IMPG2: variants seen among roughly 807,000 people sequenced by gnomAD.
The protein encoded by IMPG2 is interphotoreceptor matrix proteoglycan 2, also known as IPM 200.
Under a neutral mutation model 129.2 loss-of-function variants are expected in IMPG2, and 91 were observed. The ratio of observed to expected loss-of-function variants is 0.70; its 90% CI spans 0.59 to 0.84. The LOEUF (loss-of-function observed/expected upper bound fraction) is 0.84, where lower values mean the gene tolerates loss of function less well. Ranked by LOEUF, IMPG2 falls within the 40% of genes least tolerant of loss-of-function variation. The probability of loss-of-function intolerance (pLI) is 0.00; values close to 1 mark genes in which losing one functional copy is unlikely to be tolerated. For synonymous variants in IMPG2, 510 were observed against 517.7 expected (o/e 0.99, Z 0.20); for missense variants, 1,430 against 1,461.7 (o/e 0.98, Z 0.35).
chr3:101,292,693 C>T (rs508537), intron 3 of IMPG2, among the ~76,000 whole-genome samples: 49,469 of 152,068 alleles, frequency 0.33, 8,519 homozygotes, highest in Non-Finnish European at 0.38. Flanking sequence ...CGAAAGAGTT[C>T]CCTGTGATAT....
chr3:101,248,910 G>C (rs1405315962), intron 11 of IMPG2, among the ~76,000 whole-genome samples: 1 of 151,606 alleles, frequency 6.6e-6, no homozygotes, highest in Non-Finnish European at 1.5e-5. Flanking sequence ...CCTGTGATCT[G>C]CACCACCCCT....
At chr3:101,276,035 A>G (rs929587600) in intron 5 of IMPG2, among the ~76,000 whole-genome samples, 1 of 152,184 alleles carries the variant, frequency 6.6e-6, no homozygotes, top group Non-Finnish European at 1.5e-5. Context: ...GGAGCTATCT[A>G]GTAAAGGGGA....
intron 10 of IMPG2, 26 bp from the exon 11 acceptor site, chr3:101,253,807 C>T (rs1430483652): frequency 1.3e-6 from 2 of 1,513,060 alleles, no homozygotes; most frequent in Non-Finnish European, 1.8e-6. Context: ...TATTAAAGAA[C>T]ATTTTTAGAT....
intron 4 of IMPG2, among the ~76,000 whole-genome samples, chr3:101,290,003 G>A (rs1383496368): frequency 6.6e-6 from 1 of 151,492 alleles, no homozygotes; most frequent in Non-Finnish European, 1.5e-5. Flanking sequence ...AAACAGATTT[G>A]TGACGAAATG....
At chr3:101,310,559 CAAA>C (rs199570786) in intron 2 of IMPG2, among the ~76,000 whole-genome samples, 4 of 126,528 alleles carry the variant, frequency 3.2e-5, no homozygotes, top group African/African-American at 1.4e-4. Flanking sequence ...GACCCTGTCT[CAAA>C]AAAAAAAAAA....
chr3:101,315,319 C>T (rs999815292), intron 2 of IMPG2, among the ~76,000 whole-genome samples: 1 of 152,090 alleles, frequency 6.6e-6, no homozygotes, highest in African/African-American at 2.4e-5. Flanking sequence ...ATATTTTTTA[C>T]TGTGAAGTAC....
chr3:101,308,485 C>T (rs946839368), intron 2 of IMPG2, among the ~76,000 whole-genome samples: 4 of 152,258 alleles, frequency 2.6e-5, no homozygotes, highest in Non-Finnish European at 5.9e-5. Flanking sequence ...AGGCCTGGGG[C>T]TTGCACCCTC....
intron 14 of IMPG2, among the ~76,000 whole-genome samples, chr3:101,238,061 A>G (rs1401585136): frequency 2.0e-5 from 3 of 152,000 alleles, no homozygotes; most frequent in Admixed American, 2.0e-4. Flanking sequence ...ACAGCACGAG[A>G]ACTTTGTGAA....
intron 4 of IMPG2, among the ~76,000 whole-genome samples, chr3:101,284,893 C>A (rs939387712): frequency 6.6e-6 from 1 of 152,028 alleles, no homozygotes; most frequent in Non-Finnish European, 1.5e-5. Context: ...AAAAATAGAA[C>A]CATTACTGAA....
intron 15 of IMPG2, among the ~76,000 whole-genome samples, chr3:101,232,228 T>TA (rs1457228935): frequency 2.6e-5 from 4 of 151,330 alleles, no homozygotes; most frequent in African/African-American, 4.9e-5. Flanking sequence ...TTTTTATTTT[T>TA]TTTTTATTTA....
rs1274179961 is a variant in IMPG2, at chr3:101,222,873, T to C, written c.*4096A>G. 1 of 152,200 alleles carries C rather than the reference T, an allele frequency of 6.6e-6. No homozygotes were observed. Among genetic ancestry groups the C allele is most frequent in the African/African-American group, 2.4e-5 (1 of 41,452 alleles). 9.4% of individuals were successfully genotyped at this position (152,200 alleles called of 1,614,324 possible). On this transcript the variant is annotated 3_prime_UTR_variant, in exon 19 of 19. Coordinates refer to ENST00000193391, the MANE Select transcript of IMPG2 (RefSeq NM_016247.4). The stretch of plus-strand genomic sequence containing the variant: ...ATACCTGTATTCTCTGATACCACAA[T>C]TATTTTTTCTATATATAATCTTAAT...
chr3:101,290,892 A>C (rs1340529884), intron 4 of IMPG2, among the ~76,000 whole-genome samples: 1 of 152,156 alleles, frequency 6.6e-6, no homozygotes, highest in Non-Finnish European at 1.5e-5. Context: ...ATGCTGTTAT[A>C]ATTTAGATGC....
intron 16 of IMPG2, 47 bp downstream of exon 16, chr3:101,230,910 G>C: frequency 6.5e-7 from 1 of 1,535,114 alleles, no homozygotes; most frequent in South Asian, 1.1e-5. Context: ...AAATAAATGT[G>C]TAAATGGAAC....
intron 7 of IMPG2, among the ~76,000 whole-genome samples, chr3:101,271,677 C>T (rs1706784225): frequency 2.6e-5 from 4 of 152,190 alleles, no homozygotes; most frequent in Non-Finnish European, 1.5e-5. Flanking sequence ...AATTACATTG[C>T]CCCTGCCTCA....
chr3:101,232,940 C>CACT lies in IMPG2; in HGVS notation c.3071_3073dup (p.Glu1024_Cys1025insTer), dbSNP rs746852673. ...TTCTCCACTCCAGGGGTTGACCAGA[C>CACT]ACTCTGAAAATTCATTACAGGCCTG... On this transcript the variant is annotated stop_gained, in exon 15 of 19. Transcript: ENST00000193391. LOFTEE classifies it high-confidence loss of function. The CACT allele has an allele frequency of 1.9e-6, 3 of 1,614,034 alleles. No homozygotes were observed. The South Asian group carries it at 3.3e-5, about 18-fold the overall frequency.
intron 14 of IMPG2, among the ~76,000 whole-genome samples, chr3:101,234,117 A>G (rs1330161555): frequency 6.6e-6 from 1 of 150,698 alleles, no homozygotes; most frequent in Non-Finnish European, 1.5e-5. Context: ...ACCGCAGAAT[A>G]TGACCTTACT....
intron 15 of IMPG2, 128 bp from the exon 16 acceptor site, chr3:101,231,273 G>A: frequency 2.3e-6 from 2 of 861,440 alleles, no homozygotes; most frequent in Non-Finnish European, 3.9e-6. Context: ...GCTTCATAAA[G>A]AGTTGAATAG....
In IMPG2 at chr3:101,226,863, C is replaced by T. The variant is rs973207983; in HGVS notation, c.*106G>A. On this transcript the variant is annotated 3_prime_UTR_variant, in exon 19 of 19. Coordinates refer to ENST00000193391, the MANE Select transcript of IMPG2 (RefSeq NM_016247.4). The stretch of plus-strand genomic sequence containing the variant: ...CTATATTTAATTTTTTCATAGAAAA[C>T]TCTTCTTCCAACAGTGTTTAAAATC... The T allele has an allele frequency of 4.7e-5, 57 of 1,204,652 alleles. No individual in the cohort carries two copies. In the African/African-American group the frequency reaches 6.8e-4, roughly 14 times the overall value. The allele number at this position is 1,204,652 out of a possible 1,614,324, so 74.6% of individuals were successfully genotyped here.
Position 101,320,436 on chromosome 3 carries a change from A to T in IMPG2, c.-64T>A. Reference sequence around the variant, plus strand: ...CTTAATTGAGTGTCCAAATCCTTGAAACTTCCAATAACAAAGAGTTATAGG... The same window carrying T: ...CTTAATTGAGTGTCCAAATCCTTGATACTTCCAATAACAAAGAGTTATAGG... On this transcript the variant is annotated 5_prime_UTR_variant, in exon 1 of 19. Coordinates refer to ENST00000193391, the MANE Select transcript of IMPG2 (RefSeq NM_016247.4). 1 of 960,310 alleles carries T rather than the reference A, an allele frequency of 1.0e-6. No individual in the cohort carries two copies. The highest frequency in any genetic ancestry group is 1.7e-6 in the Non-Finnish European group (1 of 593,094). The allele number at this position is 960,310 out of a possible 1,614,324, so 59.5% of individuals were successfully genotyped here.
Sources: gnomAD v4.1 joint callset for allele counts (sites outside exome capture counted in the v4.1 genomes callset) on GRCh38, gnomAD v4.1.1 for gene constraint, MANE v1.5 for transcripts, NCBI Gene and HGNC (gene_info 2026-07-23, HGNC 2026-07-21) for gene names.